The following SYNE2 variants were observed in gnomAD, a reference collection of about 807,000 sequenced individuals.
SYNE2 encodes spectrin repeat containing nuclear envelope protein 2.
SYNE2 carries 431 observed loss-of-function variants against 856.3 expected under a neutral mutation model. That is an observed-to-expected ratio of 0.50 (90% CI 0.47 to 0.55). The LOEUF is 0.55. Among genes scored for constraint, SYNE2 ranks in the 20% least tolerant of loss-of-function variants. The probability of loss-of-function intolerance (pLI) is 0.00; values close to 1 mark genes in which losing one functional copy is unlikely to be tolerated. For synonymous variants in SYNE2, 2,923 were observed against 2,872.3 expected, an observed-to-expected ratio of 1.02 and a Z score of -0.56; for missense variants, 8,129 against 8,023.2, an observed-to-expected ratio of 1.01 and a Z score of -0.50.
At chr14:63,837,746 T>C (rs894133691) in intron 1 of SYNE2, among the ~76,000 whole-genome samples, 8 of 144,500 alleles carry the variant, frequency 5.5e-5, no homozygotes, top group African/African-American at 1.7e-4. Context: ...AAGACCCCCC[T>C]GTCTCTACAA....
chr14:64,225,879 G>A lies in SYNE2; in HGVS notation c.*353G>A, dbSNP rs779828187. On this transcript the variant is annotated 3_prime_UTR_variant, in exon 116 of 116. Coordinates refer to ENST00000555002, the MANE Select transcript of SYNE2 (RefSeq NM_182914.3). ...ATGTAGGTATGGTCAATGAGCAGTG[G>A]TGTCCATCACATATATTATAGAAGC... 3 of 530,068 alleles carry A rather than the reference G, an allele frequency of 5.7e-6. No individual in the cohort carries two copies. Among genetic ancestry groups the A allele is most frequent in the Admixed American group, 3.2e-5 (1 of 31,004 alleles). The allele number at this position is 530,068 out of a possible 1,614,324, so 32.8% of individuals were successfully genotyped here. A position where few individuals can be genotyped will look rare whatever the true frequency, so the allele number is the denominator to read the frequency against.
At chr14:64,185,519 C>CTTTTTTTTTTTTTTTTTTTT (rs66490444) in intron 96 of SYNE2, among the ~76,000 whole-genome samples, 1 of 77,478 alleles carries the variant, frequency 1.3e-5, no homozygotes, top group African/African-American at 5.3e-5. Flanking sequence ...TTTTCTTTTT[C>CTTTTTTTTTTTTTTTTTTTT]TTTTTTTTTT....
intron 30 of SYNE2, among the ~76,000 whole-genome samples, chr14:64,006,704 T>C (rs1318997941): frequency 6.6e-6 from 1 of 152,044 alleles, no homozygotes; most frequent in Non-Finnish European, 1.5e-5. Context: ...GGTTCGCACG[T>C]GTGGTACCAG....
intron 73 of SYNE2, among the ~76,000 whole-genome samples, chr14:64,128,158 A>G (rs1341376783): frequency 5.3e-5 from 8 of 152,186 alleles, no homozygotes; most frequent in Admixed American, 5.2e-4. Context: ...TCTTTTAGAA[A>G]TATATACTGA....
intron 1 of SYNE2, among the ~76,000 whole-genome samples, chr14:63,838,539 G>T (rs1393641627): frequency 6.6e-6 from 1 of 150,978 alleles, no homozygotes; most frequent in East Asian, 1.9e-4. Flanking sequence ...TTTTTTAACA[G>T]GGTCTTGCTG....
At chr14:63,783,568 C>T (rs745604711) in intron 1 of SYNE2, among the ~76,000 whole-genome samples, 15 of 152,162 alleles carry the variant, frequency 9.9e-5, no homozygotes, top group Admixed American at 2.6e-4. Flanking sequence ...AGTGTTAAAA[C>T]GGACTAAACA....
chr14:63,988,448 G>A (rs2096642143), intron 19 of SYNE2, among the ~76,000 whole-genome samples: 1 of 151,860 alleles, frequency 6.6e-6, no homozygotes, highest in African/African-American at 2.4e-5. Flanking sequence ...GAGCTTTTTT[G>A]TTGGTTTTAT....
intron 78 of SYNE2, among the ~76,000 whole-genome samples, chr14:64,137,492 C>G (rs937122372): frequency 2.0e-5 from 3 of 152,196 alleles, no homozygotes; most frequent in East Asian, 1.9e-4. Flanking sequence ...CTCAGGTGAT[C>G]TGCCTGCCTC....
intron 25 of SYNE2, 68 bp downstream of exon 25, chr14:63,997,459 C>T: frequency 8.1e-7 from 1 of 1,230,892 alleles, no homozygotes; most frequent in African/African-American, 1.5e-5. Context: ...CAATAATTCA[C>T]TTCTCATTAA....
intron 28 of SYNE2, 111 bp from the exon 29 acceptor site, chr14:64,001,823 T>C: frequency 8.4e-7 from 1 of 1,188,780 alleles, no homozygotes; most frequent in Non-Finnish European, 1.3e-6. Context: ...ATTGTATGTC[T>C]GTTTATTGGA....
chr14:63,921,568 A>G (rs2153379097), intron 2 of SYNE2, among the ~76,000 whole-genome samples: 1 of 152,312 alleles, frequency 6.6e-6, no homozygotes, highest in Non-Finnish European at 1.5e-5. Flanking sequence ...TTAAAAAAGG[A>G]GAGGGTAGGA....
intron 20 of SYNE2, 33 bp downstream of exon 20, chr14:63,990,602 T>C (rs758143458): frequency 2.5e-6 from 4 of 1,606,352 alleles, no homozygotes; most frequent in East Asian, 4.5e-5. Context: ...TTAGTAATTC[T>C]GTTCTCTAAA....
intron 79 of SYNE2, 98 bp downstream of exon 79, chr14:64,138,081 T>C (rs2098110723): frequency 7.1e-7 from 1 of 1,405,120 alleles, no homozygotes; most frequent in Non-Finnish European, 9.8e-7. Flanking sequence ...ACCCACCTTA[T>C]GCTGTTTTTT....
chr14:64,192,778 T>C (rs2098524266), intron 99 of SYNE2, among the ~76,000 whole-genome samples: 1 of 152,180 alleles, frequency 6.6e-6, no homozygotes, highest in Non-Finnish European at 1.5e-5. Flanking sequence ...ACTTAGGCAG[T>C]GTCACTTCCC....
rs557293211 is a variant in SYNE2 at position 64,042,317 on chromosome 14, G to A, written c.7222-5683G>A. Among the ~76,000 whole-genome samples, 140 of 152,364 alleles carry A rather than the reference G, an allele frequency of 9.2e-4. No individual in the cohort carries two copies. The South Asian group carries it at 0.014, about 15-fold the overall frequency. On this transcript the variant is annotated intron_variant, in intron 45 of 115. Transcript: ENST00000555002. ...ACATATGTAGTGAAAGTATAAAAGT[G>A]TGTGTATAGACTTTAGAACAGTGGT...
intron 1 of SYNE2, chr14:63,808,852 A>G (rs12880483): frequency 0.062 from 9,481 of 152,248 alleles, 322 homozygotes; most frequent in Admixed American, 0.1. Context: ...GTGAAACCCC[A>G]TCTCTGCTAA....
At chr14:64,075,917 A>T (rs759662757) in intron 53 of SYNE2, 28 bp from the exon 54 acceptor site, 1 of 1,612,780 alleles carries the variant, frequency 6.2e-7, no homozygotes, top group South Asian at 1.1e-5. Flanking sequence ...CAGTCTCGTG[A>T]GTATTGCAAC....
intron 2 of SYNE2, among the ~76,000 whole-genome samples, chr14:63,931,939 A>G (rs896863512): frequency 1.3e-5 from 2 of 152,198 alleles, no homozygotes; most frequent in Non-Finnish European, 2.9e-5. Flanking sequence ...TTAGCTTTTA[A>G]TTTCTATCTT....
chr14:64,186,393 C>G, intron 96 of SYNE2, 31 bp from the exon 97 acceptor site: 1 of 1,613,934 alleles, frequency 6.2e-7, no homozygotes, highest in South Asian at 1.1e-5. Context: ...GAGTTGAAGG[C>G]TTTTTACCCC....
Sources: allele counts gnomAD v4.1 joint callset (sites outside exome capture counted in the v4.1 genomes callset), GRCh38; gene constraint gnomAD v4.1.1; transcripts MANE v1.5; gene names NCBI Gene and HGNC (gene_info 2026-07-23, HGNC 2026-07-21).